PBX3: variants seen among roughly 807,000 people sequenced by gnomAD.
The protein encoded by PBX3 is pre-B-cell leukemia transcription factor 3.
PBX3 carries 14 observed loss-of-function variants against 48.5 expected under a neutral mutation model. The observed-to-expected ratio is 0.29, with a 90% CI of 0.19 to 0.45. PBX3 has a LOEUF of 0.45. Among genes scored for constraint, PBX3 ranks in the 20% least tolerant of loss-of-function variants. The probability of loss-of-function intolerance (pLI) is 1.00; values close to 1 mark genes in which losing one functional copy is unlikely to be tolerated. For missense variants in PBX3, 386 were observed against 546.7 expected, an observed-to-expected ratio of 0.71 and a Z score of 2.93; for synonymous variants, 210 against 200.3, an observed-to-expected ratio of 1.05 and a Z score of -0.41.
At chr9:125,944,970 C>T (rs1842035296) in intron 5 of PBX3, among the ~76,000 whole-genome samples, 2 of 152,020 alleles carry the variant, frequency 1.3e-5, no homozygotes, top group Admixed American at 1.3e-4. Flanking sequence ...CACCTGTAAT[C>T]CCAGCACTTT....
intron 2 of PBX3, among the ~76,000 whole-genome samples, chr9:125,785,165 A>C (rs1461756992): frequency 6.6e-6 from 1 of 152,140 alleles, no homozygotes. Flanking sequence ...GCCTTGTGTC[A>C]GTTCTTGGGA....
intron 2 of PBX3, among the ~76,000 whole-genome samples, chr9:125,899,192 GAT>G (rs199577727): frequency 7.1e-5 from 10 of 141,124 alleles, no homozygotes; most frequent in Non-Finnish European, 1.2e-4. Flanking sequence ...TTCTTTAGAT[GAT>G]ATATATATTT....
chr9:125,868,127 G>A (rs962797301), intron 2 of PBX3, among the ~76,000 whole-genome samples: 1 of 151,268 alleles, frequency 6.6e-6, no homozygotes, highest in African/African-American at 2.4e-5. Flanking sequence ...TGGTCAACTC[G>A]GCCTTCCAAA....
rs150829574 is a variant in PBX3 at position 125,782,587 on chromosome 9, C to T, written c.274+33964C>T. 9.9e-3 allele frequency among the ~76,000 whole-genome samples: 1,515 copies of T among 152,358 alleles called. 11 individuals are homozygous for T. The highest frequency in any genetic ancestry group is 0.014 in the Non-Finnish European group (942 of 68,040). ...TTATATAGGAAACAATAAGGAGCTA[C>T]ATACCAAACATATGTTAATATTGGC... is the stretch of plus-strand genomic sequence containing the variant. On this transcript the variant is annotated intron_variant, in intron 2 of 8. Transcript: ENST00000373489.
intron 8 of PBX3, 70 bp from the exon 9 acceptor site, chr9:125,965,761 G>A (rs942420092): frequency 9.8e-6 from 11 of 1,118,564 alleles, no homozygotes; most frequent in African/African-American, 6.1e-5. Flanking sequence ...GTTGTCATCC[G>A]GGTGTTTTAA....
intron 2 of PBX3, among the ~76,000 whole-genome samples, chr9:125,873,827 T>C (rs1320070754): frequency 6.6e-6 from 1 of 151,894 alleles, no homozygotes; most frequent in African/African-American, 2.4e-5. Context: ...AAGGGAATAA[T>C]AAAAACTTGA....
At chr9:125,790,351 C>G (rs1214664440) in intron 2 of PBX3, among the ~76,000 whole-genome samples, 1 of 151,526 alleles carries the variant, frequency 6.6e-6, no homozygotes, top group Non-Finnish European at 1.5e-5. Flanking sequence ...CTCCCGGGTT[C>G]AAGTGATTCT....
intron 4 of PBX3, among the ~76,000 whole-genome samples, chr9:125,931,487 G>C (rs1231003846): frequency 6.6e-6 from 1 of 151,978 alleles, no homozygotes; most frequent in Non-Finnish European, 1.5e-5. Context: ...TTGTAGAGAT[G>C]GTGTTTCACC....
chr9:125,870,940 A>G (rs1840106737), intron 2 of PBX3, among the ~76,000 whole-genome samples: 1 of 152,202 alleles, frequency 6.6e-6, no homozygotes, highest in African/African-American at 2.4e-5. Context: ...TAAATTGAAT[A>G]ATTTCAGCTT....
chr9:125,783,680 C>A (rs1837383028), intron 2 of PBX3, among the ~76,000 whole-genome samples: 1 of 152,084 alleles, frequency 6.6e-6, no homozygotes, highest in African/African-American at 2.4e-5. Flanking sequence ...TTCATGGTTT[C>A]CTTTAGCTCT....
intron 2 of PBX3, among the ~76,000 whole-genome samples, chr9:125,854,116 T>C (rs146956248): frequency 6.6e-6 from 1 of 152,016 alleles, no homozygotes; most frequent in East Asian, 1.9e-4. Context: ...TTTAATTAAC[T>C]AATTAATTTT....
intron 2 of PBX3, chr9:125,749,659 A>G (rs1259363004): frequency 6.6e-6 from 1 of 151,112 alleles, no homozygotes; most frequent in Non-Finnish European, 1.5e-5. Flanking sequence ...TCCAGGATAT[A>G]GCACTATCCA....
chr9:125,899,015 G>A (rs1840842069), intron 2 of PBX3, among the ~76,000 whole-genome samples: 1 of 151,022 alleles, frequency 6.6e-6, no homozygotes, highest in Admixed American at 6.6e-5. Context: ...GACATCAGGA[G>A]GTGTTTTTCT....
At chr9:125,918,596 A>G (rs1394659540) in intron 3 of PBX3, among the ~76,000 whole-genome samples, 2 of 152,226 alleles carry the variant, frequency 1.3e-5, no homozygotes, top group Admixed American at 1.3e-4. Flanking sequence ...TCAGATGGAA[A>G]AATATAGATA....
At chr9:125,896,432 A>G (rs1840769574) in intron 2 of PBX3, among the ~76,000 whole-genome samples, 3 of 152,080 alleles carry the variant, frequency 2.0e-5, no homozygotes, top group Non-Finnish European at 4.4e-5. Flanking sequence ...CTCAAAGGGC[A>G]TACCTCTACA....
At chr9:125,911,954 T>C (rs1841214077) in intron 2 of PBX3, among the ~76,000 whole-genome samples, 1 of 152,188 alleles carries the variant, frequency 6.6e-6, no homozygotes, top group Non-Finnish European at 1.5e-5. Context: ...GGACCACGTG[T>C]AGAACATATT....
At position 125,963,039 on chromosome 9, in the gene PBX3, C is replaced by T. The variant is rs760049554; in HGVS notation, c.1150C>T (p.Gln384Ter). Reference protein sequence around the residue: ...QVDTLRHVINQTGGYSDGLGG... With the variant: ...QVDTLRHVIN ...GGATACCCTCCGTCATGTTATCAAT[C>T]AGACGGGAGGCTACAGTGATGGCCT... is the stretch of plus-strand genomic sequence containing the variant. Residue 384 changes from glutamine (Q) to a stop codon, truncating the protein, a stop_gained, in exon 8 of 9, where the codon CAG (glutamine) becomes TAG (stop). Transcript: ENST00000373489. LOFTEE classifies it high-confidence loss of function. The T allele has an allele frequency of 6.2e-7, 1 of 1,608,288 alleles. No individual in the cohort carries two copies. The highest frequency in any genetic ancestry group is 1.1e-5 in the South Asian group (1 of 90,404).
intron 2 of PBX3, among the ~76,000 whole-genome samples, chr9:125,776,133 G>C (rs1827314711): frequency 6.6e-6 from 1 of 152,130 alleles, no homozygotes; most frequent in Non-Finnish European, 1.5e-5. Context: ...ACAATGTTGA[G>C]TGGCTGTGGT....
intron 2 of PBX3, among the ~76,000 whole-genome samples, chr9:125,856,402 A>G (rs1839724699): frequency 6.6e-6 from 1 of 152,206 alleles, no homozygotes; most frequent in Non-Finnish European, 1.5e-5. Flanking sequence ...CTGGGCATAA[A>G]CACAAGTCCT....
Sources: gnomAD v4.1 joint callset for allele counts (sites outside exome capture counted in the v4.1 genomes callset) on GRCh38, gnomAD v4.1.1 for gene constraint, MANE v1.5 for transcripts, NCBI Gene and HGNC (gene_info 2026-07-23, HGNC 2026-07-21) for gene names.